Variants in PPP6C observed in about 807,000 individuals in gnomAD.
PPP6C encodes serine/threonine-protein phosphatase 6 catalytic subunit.
Under a neutral mutation model 39.8 loss-of-function variants are expected in PPP6C, and 11 were observed. The ratio of observed to expected loss-of-function variants is 0.28; its 90% confidence interval spans 0.17 to 0.46. PPP6C has a LOEUF of 0.46. Ranked by LOEUF, PPP6C falls within the 20% of genes least tolerant of loss-of-function variation. The pLI is 1.00. For missense variants in PPP6C, 211 were observed against 373.9 expected (o/e 0.56, Z 3.59); for synonymous variants, 129 against 130.3 (o/e 0.99, Z 0.07).
intron 2 of PPP6C, among the ~76,000 whole-genome samples, chr9:125,165,120 C>T (rs567851935): frequency 6.6e-5 from 10 of 152,002 alleles, no homozygotes; most frequent in Non-Finnish European, 1.3e-4. Flanking sequence ...TTTCAGGATT[C>T]ATTTGTGATC....
rs1188824495 is a variant in PPP6C, at chr9:125,175,642, C to CAAAAA, written c.76-4467_76-4463dup. Among the ~76,000 whole-genome samples, 127 of 55,856 alleles carry CAAAAA rather than the reference C, an allele frequency of 2.3e-3. 1 individual carries two copies. Among genetic ancestry groups the CAAAAA allele is most frequent in the Non-Finnish European group, 4.3e-3 (109 of 25,284 alleles). 36.6% of individuals were successfully genotyped at this position (55,856 alleles called of 152,430 possible). A position where few individuals can be genotyped will look rare whatever the true frequency, so the allele number is the denominator to read the frequency against. On this transcript the variant is annotated intron_variant, in intron 1 of 6. Transcript: ENST00000373547. ...TGGTCGACACAGCGAGACTCCGTCT[C>CAAAAA]AAAAAAAAAAAAAAAAAAAGAAATT...
At chr9:125,175,358 G>A (rs1829273139) in intron 1 of PPP6C, among the ~76,000 whole-genome samples, 1 of 151,956 alleles carries the variant, frequency 6.6e-6, no homozygotes, top group Non-Finnish European at 1.5e-5. Context: ...ACCTACGCCG[G>A]CCGGGCGCGG....
intron 6 of PPP6C, chr9:125,150,626 G>C (rs919340689): frequency 8.5e-6 from 8 of 945,372 alleles, no homozygotes; most frequent in Admixed American, 5.7e-5. Flanking sequence ...TTAGTGAAGA[G>C]TGCTTAGGGT....
At chr9:125,169,893 A>C (rs1800500899) in intron 2 of PPP6C, among the ~76,000 whole-genome samples, 1 of 152,188 alleles carries the variant, frequency 6.6e-6, no homozygotes, top group Non-Finnish European at 1.5e-5. Flanking sequence ...TGAAAAACCA[A>C]AAGAAAATCA....
chr9:125,175,423 G>C (rs897275003), intron 1 of PPP6C, among the ~76,000 whole-genome samples: 1 of 151,942 alleles, frequency 6.6e-6, no homozygotes, highest in Admixed American at 6.6e-5. Context: ...TGGATCACGA[G>C]GTCAGGAGAT....
At chr9:125,179,215 C>CAAAAA (rs150040909) in intron 1 of PPP6C, among the ~76,000 whole-genome samples, 6 of 127,428 alleles carry the variant, frequency 4.7e-5, no homozygotes, top group African/African-American at 1.2e-4. Context: ...AACTCCATCT[C>CAAAAA]AAAAAAAAAA....
intron 1 of PPP6C, among the ~76,000 whole-genome samples, chr9:125,172,859 GT>G (rs753961923): frequency 1.4e-4 from 21 of 152,194 alleles, no homozygotes; most frequent in Middle Eastern, 3.4e-3. Flanking sequence ...CAGTGTCAAT[GT>G]TGGCTGATGT....
intron 1 of PPP6C, among the ~76,000 whole-genome samples, chr9:125,187,489 G>T (rs887149512): frequency 6.6e-6 from 1 of 151,668 alleles, no homozygotes; most frequent in East Asian, 1.9e-4. Flanking sequence ...TCACCAAGTC[G>T]GTCAGTCTGG....
chr9:125,184,040 C>T (rs1829472043), intron 1 of PPP6C, among the ~76,000 whole-genome samples: 1 of 152,254 alleles, frequency 6.6e-6, no homozygotes, highest in South Asian at 2.1e-4. Context: ...AGGAGAATCA[C>T]CTGAAGCATT....
intron 4 of PPP6C, among the ~76,000 whole-genome samples, chr9:125,156,742 T>TCG (rs953464133): frequency 7.2e-6 from 1 of 139,420 alleles, no homozygotes; most frequent in Non-Finnish European, 1.5e-5. Flanking sequence ...CCTAATAAGC[T>TCG]CGCTCTCTCT....
At chr9:125,170,041 G>A (rs563679335) in intron 2 of PPP6C, among the ~76,000 whole-genome samples, 1 of 152,202 alleles carries the variant, frequency 6.6e-6, no homozygotes, top group Admixed American at 6.5e-5. Context: ...AGTCCTGTTG[G>A]CATCCTTTAA....
chr9:125,159,933 A>C (rs573423823), intron 3 of PPP6C, among the ~76,000 whole-genome samples: 2 of 152,186 alleles, frequency 1.3e-5, no homozygotes, highest in Admixed American at 6.5e-5. Flanking sequence ...GAGGCAAGAG[A>C]ATCACTTGAA....
chr9:125,150,984 C>A, intron 6 of PPP6C: 1 of 1,341,052 alleles, frequency 7.5e-7, no homozygotes, highest in Non-Finnish European at 1.1e-6. Context: ...TTGTTGCAAA[C>A]ATGCTATCTG....
rs867337886 is a variant in PPP6C at position 125,167,715 on chromosome 9, A to T, written c.171+3370T>A. ...AGAAACTCTGTCTCAAAAAAAAAAAATTTTTTTTTTTTAGAGATGGGGAGT... is the reference window on the plus strand; with the variant it reads ...AGAAACTCTGTCTCAAAAAAAAAAATTTTTTTTTTTTTAGAGATGGGGAGT... On this transcript the variant is annotated intron_variant, in intron 2 of 6. Transcript: ENST00000373547. Among the ~76,000 whole-genome samples the T allele has an allele frequency of 7.7e-3, 1,087 of 141,236 alleles. 8 individuals are homozygous for T. The highest frequency in any genetic ancestry group is 0.026 in the African/African-American group (1,017 of 38,706). 92.7% of individuals were successfully genotyped at this position (141,236 alleles called of 152,430 possible). A position where few individuals can be genotyped will look rare whatever the true frequency, so the allele number is the denominator to read the frequency against.
At chr9:125,188,105 G>A (rs1213583464) in intron 1 of PPP6C, among the ~76,000 whole-genome samples, 1 of 152,052 alleles carries the variant, frequency 6.6e-6, no homozygotes, top group Non-Finnish European at 1.5e-5. Context: ...CTGAGTCGGG[G>A]CTGGGCACGG....
At chr9:125,188,159 G>A (rs1008686621) in intron 1 of PPP6C, among the ~76,000 whole-genome samples, 2 of 152,146 alleles carry the variant, frequency 1.3e-5, no homozygotes, top group African/African-American at 2.4e-5. Context: ...GCCGAGGCGG[G>A]CGGATCACGA....
At chr9:125,185,462 G>A (rs1292935991) in intron 1 of PPP6C, among the ~76,000 whole-genome samples, 1 of 151,984 alleles carries the variant, frequency 6.6e-6, no homozygotes, top group Non-Finnish European at 1.5e-5. Context: ...GGGAGGCTGA[G>A]AAGGGTGGAT....
intron 1 of PPP6C, among the ~76,000 whole-genome samples, chr9:125,188,281 A>G (rs1242581989): frequency 1.3e-5 from 2 of 152,168 alleles, no homozygotes; most frequent in African/African-American, 4.8e-5. Flanking sequence ...GCTACTCGGG[A>G]GACTGAGGCA....
At chr9:125,180,238 T>G (rs373803317) in intron 1 of PPP6C, among the ~76,000 whole-genome samples, 1 of 152,230 alleles carries the variant, frequency 6.6e-6, no homozygotes, top group Middle Eastern at 3.2e-3. Flanking sequence ...TCCTTGTGGA[T>G]AGACGGCTGT....
Sources: gnomAD v4.1 joint callset for allele counts (sites outside exome capture counted in the v4.1 genomes callset) on GRCh38, gnomAD v4.1.1 for gene constraint, MANE v1.5 for transcripts, NCBI Gene and HGNC (gene_info 2026-07-23, HGNC 2026-07-21) for gene names.